The following NOL4L variants were observed in gnomAD, a reference collection of about 807,000 sequenced individuals.
The protein encoded by NOL4L is nucleolar protein 4 like.
A neutral mutation model predicts 64.5 loss-of-function variants in NOL4L; 7 were observed. The ratio of observed to expected loss-of-function variants is 0.11; its 90% confidence interval spans 0.06 to 0.20. The LOEUF (loss-of-function observed/expected upper bound fraction) is 0.20. NOL4L is among the 10% of genes least tolerant of loss of function. The probability of loss-of-function intolerance (pLI) is 1.00; values close to 1 mark genes in which losing one functional copy is unlikely to be tolerated. For synonymous variants in NOL4L, 413 were observed against 401.0 expected (o/e 1.03, Z -0.36); for missense variants, 680 against 967.1 (o/e 0.70, Z 3.94).
chr20:32,481,135 T>G (rs2015689834), intron 4 of NOL4L, among the ~76,000 whole-genome samples: 1 of 152,258 alleles, frequency 6.6e-6, no homozygotes, highest in African/African-American at 2.4e-5. Flanking sequence ...TTGTCCCTGC[T>G]GTCATAGACA....
chr20:32,547,759 C>G (rs1274182190), intron 1 of NOL4L, among the ~76,000 whole-genome samples: 2 of 152,142 alleles, frequency 1.3e-5, no homozygotes, highest in South Asian at 4.1e-4. Context: ...TCCCAAAACT[C>G]ATGCCTGGAT....
At chr20:32,519,011 T>A (rs565000159) in intron 3 of NOL4L, among the ~76,000 whole-genome samples, 1 of 152,306 alleles carries the variant, frequency 6.6e-6, no homozygotes, top group Non-Finnish European at 1.5e-5. Context: ...CTAACCCATA[T>A]CTTGTCAGCC....
rs374791845 is a variant in NOL4L, at chr20:32,508,600, G to A, written c.699+2747C>T. 1.6e-3 allele frequency among the ~76,000 whole-genome samples: 241 copies of A among 152,352 alleles called. 3 individuals are homozygous for A. Among genetic ancestry groups the A allele is most frequent in the African/African-American group, 5.6e-3 (233 of 41,592 alleles). On this transcript the variant is annotated intron_variant, in intron 4 of 10. Coordinates refer to ENST00000621426, the MANE Select transcript of NOL4L (RefSeq NM_001256798.2). ...GAACTTCCATCTCCTGCCGCACTCA[G>A]AAGAAGCTGGCTACATTCAGAGGCC... is the stretch of plus-strand genomic sequence containing the variant.
intron 4 of NOL4L, chr20:32,485,911 A>C (rs2016069562): frequency 7.8e-6 from 3 of 384,488 alleles, no homozygotes; most frequent in Non-Finnish European, 1.1e-5. Context: ...CTGAAGTTCA[A>C]AGGTGGAATT....
Position 32,513,331 on chromosome 20 carries a change from C to T in NOL4L, c.590-1875G>A, listed in dbSNP as rs559428532. On this transcript the variant is annotated intron_variant, in intron 3 of 10. Transcript: ENST00000621426. ...CCCTGCAACCTTGAAAACGCGATACCAAGGGCAAGAAGCCAGACATAAAAC... is the reference window on the plus strand; with the variant it reads ...CCCTGCAACCTTGAAAACGCGATACTAAGGGCAAGAAGCCAGACATAAAAC... Among the ~76,000 whole-genome samples, 74 of 152,266 alleles carry T rather than the reference C, an allele frequency of 4.9e-4. 1 individual carries two copies. The highest frequency in any genetic ancestry group is 3.5e-3 in the South Asian group (17 of 4,826).
chr20:32,531,505 A>G (rs1040183567), intron 1 of NOL4L, among the ~76,000 whole-genome samples: 1 of 151,850 alleles, frequency 6.6e-6, no homozygotes, highest in Admixed American at 6.6e-5. Flanking sequence ...GGCGCCTGCC[A>G]CCACACCTGG....
chr20:32,490,454 G>T (rs2016423450), intron 4 of NOL4L, among the ~76,000 whole-genome samples: 1 of 152,178 alleles, frequency 6.6e-6, no homozygotes, highest in Admixed American at 6.5e-5. Context: ...GCTGGAAGAG[G>T]AGGATGTGGA....
At chr20:32,574,768 G>C (rs966133621) in intron 1 of NOL4L, among the ~76,000 whole-genome samples, 1 of 149,526 alleles carries the variant, frequency 6.7e-6, no homozygotes, top group African/African-American at 2.4e-5. Flanking sequence ...TGACTCCCGC[G>C]CTGGCCCCGA....
At chr20:32,477,654 G>A (rs914124954) in intron 4 of NOL4L, among the ~76,000 whole-genome samples, 4 of 152,228 alleles carry the variant, frequency 2.6e-5, no homozygotes, top group East Asian at 1.9e-4. Flanking sequence ...GTCCCATTGC[G>A]CACAGTTCTT....
chr20:32,527,477 G>A (rs906268869), intron 2 of NOL4L, among the ~76,000 whole-genome samples: 2 of 152,116 alleles, frequency 1.3e-5, no homozygotes, highest in Non-Finnish European at 2.9e-5. Flanking sequence ...AAGCAGAAAC[G>A]GGGAAGAGGA....
intron 3 of NOL4L, among the ~76,000 whole-genome samples, chr20:32,515,925 C>G (rs556458973): frequency 3.2e-4 from 49 of 152,270 alleles, no homozygotes; most frequent in African/African-American, 1.1e-3. Context: ...GGCACTAGAC[C>G]TAGTTTTATG....
intron 1 of NOL4L, among the ~76,000 whole-genome samples, chr20:32,562,308 G>A (rs567358529): frequency 3.9e-5 from 6 of 152,190 alleles, no homozygotes; most frequent in South Asian, 4.2e-4. Flanking sequence ...CAACCTCCCC[G>A]ATTAGCAGTG....
At chr20:32,483,649 C>CGGGGCG (rs1286769049) in intron 4 of NOL4L, 4 of 16,502 alleles carry the variant, frequency 2.4e-4, no homozygotes, top group African/African-American at 6.3e-4. Context: ...GGACCGGGCA[C>CGGGGCG]GGGGCGGGGG....
rs1373957221 is a variant in NOL4L at position 32,478,273 on chromosome 20, A to ACACT, written c.700-3532_700-3531insAGTG. Among the ~76,000 whole-genome samples the ACACT allele has an allele frequency of 2.5e-3, 359 of 143,416 alleles. 2 individuals are homozygous for ACACT. The highest frequency in any genetic ancestry group is 8.7e-3 in the African/African-American group (331 of 37,988). The allele number at this position is 143,416 out of a possible 152,430, so 94.1% of individuals were successfully genotyped here. Reference sequence around the variant, plus strand: ...CACACACACACACACACACACACACACTCTCTCTCTCTCTCTCTCATGCAT... The same window carrying ACACT: ...CACACACACACACACACACACACACACACTCTCTCTCTCTCTCTCTCTCATGCAT... On this transcript the variant is annotated intron_variant, in intron 4 of 10. Coordinates refer to ENST00000621426, the MANE Select transcript of NOL4L (RefSeq NM_001256798.2).
rs1399110030 is a variant in NOL4L, at chr20:32,485,874, G to A, written c.700-11132C>T. 1.7e-5 allele frequency: 7 copies of A among 416,132 alleles called. No homozygotes were observed. In the Admixed American group the frequency reaches 2.1e-4, roughly 13 times the overall value. 25.8% of individuals were successfully genotyped at this position (416,132 alleles called of 1,614,324 possible). A position where few individuals can be genotyped will look rare whatever the true frequency, so the allele number is the denominator to read the frequency against. ...TATTTCACAGCAGTGGTGGACATCT[G>A]AGCTTGAAATATAAAGCCAAATACA... On this transcript the variant is annotated intron_variant, in intron 4 of 10. Transcript: ENST00000621426.
chr20:32,502,790 A>G (rs148198007), intron 4 of NOL4L, among the ~76,000 whole-genome samples: 4 of 152,208 alleles, frequency 2.6e-5, no homozygotes, highest in African/African-American at 9.6e-5. Flanking sequence ...CGGGGCCTGT[A>G]ATCCCAGCTA....
rs578167571 is a variant in NOL4L at position 32,492,604 on chromosome 20, AGCC to A, written c.700-17865_700-17863del. ...AGAAGTTTCAAAAGGGGAAACAGCA[AGCC>A]AGGTCAGCTTCCATGGCTAAGCAGC... is the stretch of plus-strand genomic sequence containing the variant. On this transcript the variant is annotated intron_variant, in intron 4 of 10. Coordinates refer to ENST00000621426, the MANE Select transcript of NOL4L (RefSeq NM_001256798.2). 6.6e-5 allele frequency among the ~76,000 whole-genome samples: 10 copies of A among 152,340 alleles called. No homozygotes were observed. In the East Asian group the frequency reaches 1.7e-3, roughly 26 times the overall value.
chr20:32,577,486 C>T (rs1980193314), intron 1 of NOL4L, among the ~76,000 whole-genome samples: 1 of 152,202 alleles, frequency 6.6e-6, no homozygotes, highest in Admixed American at 6.5e-5. Flanking sequence ...CCAGTCAGGG[C>T]AGCAAGAGAC....
Position 32,463,935 on chromosome 20 carries a change from C to T in NOL4L, c.842-7540G>A, listed in dbSNP as rs555269314. On this transcript the variant is annotated intron_variant, in intron 5 of 10. Coordinates refer to ENST00000621426, the MANE Select transcript of NOL4L (RefSeq NM_001256798.2). The surrounding 1 kb of genome is among the most constrained non-coding windows in gnomAD (Gnocchi z 5.8). The stretch of plus-strand genomic sequence containing the variant: ...GGCCACTGGAGGCCAGCAGGCCCTG[C>T]GTGCAGACTGCCTTCCGTGTCCAGA... Among the ~76,000 whole-genome samples, 9 of 152,322 alleles carry T rather than the reference C, an allele frequency of 5.9e-5. No homozygotes were observed. In the South Asian group the frequency reaches 8.3e-4, roughly 14 times the overall value.
Sources: allele counts gnomAD v4.1 joint callset (sites outside exome capture counted in the v4.1 genomes callset), GRCh38; gene constraint gnomAD v4.1.1; non-coding constraint Gnocchi (gnomAD v3.1); transcripts MANE v1.5; gene names NCBI Gene and HGNC (gene_info 2026-07-23, HGNC 2026-07-21).